PHC3: variants seen among roughly 807,000 people sequenced by gnomAD.
PHC3 encodes polyhomeotic-like protein 3.
PHC3 carries 13 observed loss-of-function variants against 107.4 expected under a neutral mutation model. That is an observed-to-expected ratio of 0.12 (90% confidence interval 0.08 to 0.19). The LOEUF (loss-of-function observed/expected upper bound fraction) is 0.19, where lower values mean the gene tolerates loss of function less well. Ranked by LOEUF, PHC3 falls within the 10% of genes least tolerant of loss-of-function variation. The pLI is 1.00. For missense variants in PHC3, 992 were observed against 1,210.9 expected (o/e 0.82, Z 2.68); for synonymous variants, 456 against 427.4 (o/e 1.07, Z -0.83).
At chr3:170,103,077 C>G (rs974446482) in intron 12 of PHC3, 143 bp from the exon 13 acceptor site, 2 of 862,018 alleles carry the variant, frequency 2.3e-6, no homozygotes, top group Non-Finnish European at 3.5e-6. Flanking sequence ...AAAGTAACTA[C>G]ACTGTTCAAT....
chr3:170,140,649 A>AGTG (rs1350639460), intron 6 of PHC3, among the ~76,000 whole-genome samples: 1 of 117,850 alleles, frequency 8.5e-6, no homozygotes, highest in African/African-American at 3.4e-5. Context: ...GCCGGACTGT[A>AGTG]GTGGTGCGAT....
chr3:170,098,194 A>T (rs1347094639), intron 14 of PHC3, among the ~76,000 whole-genome samples: 1 of 152,172 alleles, frequency 6.6e-6, no homozygotes, highest in East Asian at 1.9e-4. Flanking sequence ...AAATTTTCAC[A>T]TCCAAATTAC....
intron 8 of PHC3, among the ~76,000 whole-genome samples, chr3:170,124,113 G>C (rs1334484079): frequency 6.6e-6 from 1 of 152,088 alleles, no homozygotes; most frequent in East Asian, 2.0e-4. Flanking sequence ...CTCCCAAAGT[G>C]CTGGGATTAC....
At chr3:170,134,992 C>A (rs1296262991) in intron 7 of PHC3, among the ~76,000 whole-genome samples, 1 of 152,080 alleles carries the variant, frequency 6.6e-6, no homozygotes, top group Non-Finnish European at 1.5e-5. Flanking sequence ...AGTATTAACA[C>A]AGGAAACTTG....
chr3:170,177,236 A>G (rs6444903), intron 2 of PHC3, among the ~76,000 whole-genome samples: 67,053 of 151,622 alleles, frequency 0.44, 15,050 homozygotes, highest in East Asian at 0.69. Context: ...TAAAGCTACA[A>G]CCATTCTGTA....
Position 170,149,169 on chromosome 3 carries a change from T to C in PHC3, c.490A>G (p.Ile164Val). 6.2e-7 allele frequency: 1 copy of C among 1,613,306 alleles called. No individual in the cohort carries two copies. Among genetic ancestry groups the C allele is most frequent in the Non-Finnish European group, 8.5e-7 (1 of 1,179,736 alleles). ...SQASSSTSGS[I>V]TQQTMLLGST... ...CCTAGTAACATAGTCTGTTGGGTAA[T>C]ACTGCCGCTGGTAGAACTGGAAGCC... is the stretch of plus-strand genomic sequence containing the variant. Residue 164 changes from isoleucine (I) to valine (V), a missense_variant, in exon 5 of 15, where the codon ATT becomes GTT. By Grantham distance (29) the Ile-to-Val change is conservative. Coordinates refer to ENST00000495893, the MANE Select transcript of PHC3 (RefSeq NM_024947.4).
chr3:170,151,028 T>C (rs1725869769), intron 4 of PHC3, among the ~76,000 whole-genome samples: 1 of 151,998 alleles, frequency 6.6e-6, no homozygotes, highest in South Asian at 2.1e-4. Context: ...CTGACCAACA[T>C]GGTGAAATCC....
chr3:170,122,478 C>CT (rs1720536753), intron 9 of PHC3, 113 bp downstream of exon 9: 6 of 1,067,236 alleles, frequency 5.6e-6, no homozygotes, highest in Non-Finnish European at 1.4e-6. Flanking sequence ...TGGTGTGCAC[C>CT]TGTAGTTCCA....
chr3:170,127,962 A>C (rs991276291), intron 8 of PHC3, among the ~76,000 whole-genome samples: 1 of 152,178 alleles, frequency 6.6e-6, no homozygotes, highest in African/African-American at 2.4e-5. Flanking sequence ...TACTCCTCTA[A>C]ATGGATTTTT....
chr3:170,171,300 TAAC>T lies in PHC3; in HGVS notation c.414+70_414+72del, dbSNP rs773345062. 1.0e-5 allele frequency: 11 copies of T among 1,068,548 alleles called. No individual in the cohort carries two copies. In the African/African-American group the frequency reaches 1.1e-4, roughly 11 times the overall value. 66.2% of individuals were successfully genotyped at this position (1,068,548 alleles called of 1,614,324 possible). A position where few individuals can be genotyped will look rare whatever the true frequency, so the allele number is the denominator to read the frequency against. ...CAAATTATAATAACAGCTTCATAAATAACAACAGTTTACTTTTGGAAAACAATT... is the reference window on the plus strand; with the variant it reads ...CAAATTATAATAACAGCTTCATAAATAACAGTTTACTTTTGGAAAACAATT... On this transcript the variant is annotated intron_variant, in intron 4 of 14. Coordinates refer to ENST00000495893, the MANE Select transcript of PHC3 (RefSeq NM_024947.4).
chr3:170,130,967 C>T (rs776512770), intron 7 of PHC3, among the ~76,000 whole-genome samples: 3 of 151,706 alleles, frequency 2.0e-5, no homozygotes, highest in African/African-American at 4.8e-5. Flanking sequence ...TACCTTACAT[C>T]TATTTTTGTG....
intron 7 of PHC3, among the ~76,000 whole-genome samples, chr3:170,133,721 T>C (rs1722615997): frequency 6.6e-6 from 1 of 152,190 alleles, no homozygotes; most frequent in Non-Finnish European, 1.5e-5. Flanking sequence ...GGCTTACTGG[T>C]TTCCTCCATA....
intron 10 of PHC3, among the ~76,000 whole-genome samples, chr3:170,116,557 A>C (rs56033082): frequency 9.1e-4 from 138 of 151,976 alleles, no homozygotes; most frequent in Middle Eastern, 6.8e-3. Context: ...ACAGAGCGAG[A>C]CTCTCTCTCA....
At chr3:170,120,505 G>A (rs1298598874) in intron 9 of PHC3, among the ~76,000 whole-genome samples, 11 of 151,416 alleles carry the variant, frequency 7.3e-5, no homozygotes, top group Non-Finnish European at 1.5e-4. Flanking sequence ...CCCAGGAGGC[G>A]AAAGTTGCAG....
Position 170,150,531 on chromosome 3 carries a change from TAA to T in PHC3, c.415-1289_415-1288del, listed in dbSNP as rs1168514834. On this transcript the variant is annotated intron_variant, in intron 4 of 14. Transcript: ENST00000495893. The stretch of plus-strand genomic sequence containing the variant: ...TAACATGGTGAAACCCTGTCTCTAC[TAA>T]AAAAAAAAAAAAAAAAAAAAATTAA... 435 of 77,448 alleles carry T rather than the reference TAA, an allele frequency of 5.6e-3. 1 individual carries two copies. Among genetic ancestry groups the T allele is most frequent in the South Asian group, 0.015 (40 of 2,682 alleles). The allele number at this position is 77,448 out of a possible 1,614,324, so 4.8% of individuals were successfully genotyped here.
chr3:170,180,058 CT>C (rs2108801524), intron 1 of PHC3, among the ~76,000 whole-genome samples: 1 of 148,708 alleles, frequency 6.7e-6, no homozygotes, highest in South Asian at 2.1e-4. Flanking sequence ...CATAGCGTTG[CT>C]TTTTTAAGTA....
chr3:170,129,464 C>A lies in PHC3; in HGVS notation c.1008G>T (p.Gln336His). ...HSPPSKVSHH[Q>H]LILQQQQQQI... ...GCTGTTGCTGCTGTTGTAATATCAG[C>A]TGATGATGGGAAACTTTGGAAGGTG... Residue 336 changes from glutamine (Q) to histidine (H), a missense_variant, in exon 8 of 15, where the codon CAG becomes CAT. Gln to His is a conservative substitution (Grantham distance 24). Around this residue, in one of 6 missense-constraint regions of PHC3, gnomAD observed 543 missense variants for 590.8 expected, o/e 0.92. Transcript: ENST00000495893. 1.2e-6 allele frequency: 2 copies of A among 1,613,802 alleles called. No individual in the cohort carries two copies. The highest frequency in any genetic ancestry group is 1.7e-6 in the Non-Finnish European group (2 of 1,179,840).
intron 10 of PHC3, among the ~76,000 whole-genome samples, chr3:170,115,911 G>A (rs1367991186): frequency 8.6e-6 from 1 of 116,318 alleles, no homozygotes; most frequent in African/African-American, 3.2e-5. Flanking sequence ...ACACGAAATT[G>A]AACACAAAAA....
rs1022131447 is a variant in PHC3 at position 170,087,953 on chromosome 3, C to T, written c.*9277G>A. ...TTTTTAAAAAAATACACCAAATGGA[C>T]ACTTTTTACATAGATCAAATGTGCT... On this transcript the variant is annotated 3_prime_UTR_variant, in exon 15 of 15. Transcript: ENST00000495893. 21 of 152,152 alleles carry T rather than the reference C, an allele frequency of 1.4e-4. No individual in the cohort carries two copies. Among genetic ancestry groups the T allele is most frequent in the African/African-American group, 5.1e-4 (21 of 41,440 alleles). 9.4% of individuals were successfully genotyped at this position (152,152 alleles called of 1,614,324 possible). A position where few individuals can be genotyped will look rare whatever the true frequency, so the allele number is the denominator to read the frequency against.
Sources: allele counts gnomAD v4.1 joint callset (sites outside exome capture counted in the v4.1 genomes callset), GRCh38; gene constraint gnomAD v4.1.1; regional missense constraint gnomAD v4.1.1; transcripts MANE v1.5; gene names NCBI Gene and HGNC (gene_info 2026-07-23, HGNC 2026-07-21).